Variants in ARID1B observed in about 807,000 individuals in gnomAD.
The protein encoded by ARID1B is AT-rich interactive domain-containing protein 1B.
Under a neutral mutation model 212.3 loss-of-function variants are expected in ARID1B, and 30 were observed. The ratio of observed to expected loss-of-function variants is 0.14; its 90% CI spans 0.11 to 0.19. The LOEUF (loss-of-function observed/expected upper bound fraction) is 0.19. Ranked by LOEUF, ARID1B falls within the 10% of genes least tolerant of loss-of-function variation. The probability of loss-of-function intolerance (pLI) is 1.00; values close to 1 mark genes in which losing one functional copy is unlikely to be tolerated. For synonymous variants in ARID1B, 1,402 were observed against 1,301.7 expected, an observed-to-expected ratio of 1.08 and a Z score of -1.66; for missense variants, 2,891 against 3,204.0, an observed-to-expected ratio of 0.90 and a Z score of 2.36.
chr6:156,806,544 T>C (rs1781170320), intron 1 of ARID1B, among the ~76,000 whole-genome samples: 1 of 152,238 alleles, frequency 6.6e-6, no homozygotes, highest in South Asian at 2.1e-4. Context: ...ATTTAATAAT[T>C]TCCAAAGTGC....
intron 6 of ARID1B, among the ~76,000 whole-genome samples, chr6:157,117,215 C>G (rs1241827541): frequency 6.6e-6 from 1 of 152,148 alleles, no homozygotes; most frequent in Non-Finnish European, 1.5e-5. Flanking sequence ...ATCAAAATTT[C>G]TATACTTCAA....
At chr6:156,966,349 A>G (rs1226083446) in intron 4 of ARID1B, among the ~76,000 whole-genome samples, 1 of 151,192 alleles carries the variant, frequency 6.6e-6, no homozygotes, top group African/African-American at 2.4e-5. Context: ...AGGGAAAATC[A>G]CTACAATACA....
chr6:157,054,867 C>T (rs1191817629), intron 4 of ARID1B, among the ~76,000 whole-genome samples: 1 of 152,242 alleles, frequency 6.6e-6, no homozygotes, highest in Admixed American at 6.5e-5. Context: ...TCACCGCTGT[C>T]TCAGCCGTAC....
At chr6:157,134,629 C>T (rs1283767389) in intron 7 of ARID1B, among the ~76,000 whole-genome samples, 3 of 152,114 alleles carry the variant, frequency 2.0e-5, no homozygotes, top group Non-Finnish European at 2.9e-5. Context: ...TGTCAGTGCC[C>T]GGTAACTATG....
At chr6:157,039,189 T>G (rs1439143668) in intron 4 of ARID1B, among the ~76,000 whole-genome samples, 2 of 152,094 alleles carry the variant, frequency 1.3e-5, no homozygotes, top group East Asian at 3.8e-4. Context: ...AGCCTTAAAT[T>G]TAATAAGTTG....
At chr6:156,976,620 A>G (rs924426313) in intron 4 of ARID1B, among the ~76,000 whole-genome samples, 3 of 152,180 alleles carry the variant, frequency 2.0e-5, no homozygotes, top group African/African-American at 7.2e-5. Flanking sequence ...CGAGCCAGCA[A>G]CGGCAACCCT....
intron 4 of ARID1B, among the ~76,000 whole-genome samples, chr6:157,050,281 C>T (rs989320914): frequency 3.9e-5 from 6 of 152,188 alleles, no homozygotes; most frequent in Admixed American, 2.0e-4. Context: ...CATGGTGGCT[C>T]ACTCCTAGAA....
intron 4 of ARID1B, chr6:156,938,659 G>C (rs573317022): frequency 6.6e-5 from 10 of 152,232 alleles, no homozygotes; most frequent in African/African-American, 1.2e-4. Flanking sequence ...AGATAGGTTT[G>C]TAATGTTTCT....
chr6:157,032,839 A>G (rs939868900), intron 4 of ARID1B, among the ~76,000 whole-genome samples: 4 of 152,198 alleles, frequency 2.6e-5, no homozygotes, highest in Non-Finnish European at 5.9e-5. Flanking sequence ...TTTTTAAAAA[A>G]AACTGATGGT....
chr6:156,883,946 C>T lies in ARID1B; in HGVS notation c.1987-17430C>T, dbSNP rs1231577480. ...GAAGAGGCATTTCAGGAGCCAGAAT[C>T]GCGGGACCCTCATTTATTCTGATAA... On this transcript the variant is annotated intron_variant, in intron 2 of 19. Transcript: ENST00000636930. 2.0e-5 allele frequency among the ~76,000 whole-genome samples: 3 copies of T among 152,156 alleles called. No homozygotes were observed. In the East Asian group the frequency reaches 5.8e-4, roughly 29 times the overall value.
intron 19 of ARID1B, 147 bp downstream of exon 19, chr6:157,204,143 C>G: frequency 9.9e-7 from 1 of 1,007,482 alleles, no homozygotes. Flanking sequence ...CAGCCTTAAT[C>G]AATGTAGAGT....
rs1789949736 is a variant in ARID1B at position 157,148,352 on chromosome 6, TG to T, written c.2762-271del. Among the ~76,000 whole-genome samples, 1 of 152,140 alleles carries T rather than the reference TG, an allele frequency of 6.6e-6. No individual in the cohort carries two copies. ...TCATAGGGTTTGTTTTTTGTTTTTT[TG>T]TTTGTTTCTTTTTATGACCAGCCTG... On this transcript the variant is annotated intron_variant, in intron 7 of 19. Coordinates refer to ENST00000636930, the MANE Select transcript of ARID1B (RefSeq NM_001374828.1). The surrounding 1 kb of genome is among the most constrained non-coding windows in gnomAD (Gnocchi z 5.6).
At chr6:156,803,257 TTTTA>T (rs909383057) in intron 1 of ARID1B, among the ~76,000 whole-genome samples, 26 of 152,228 alleles carry the variant, frequency 1.7e-4, no homozygotes, top group African/African-American at 5.5e-4. Flanking sequence ...AGAGCCAACA[TTTTA>T]TTTATGAAAT....
intron 4 of ARID1B, among the ~76,000 whole-genome samples, chr6:156,962,955 TTTA>T (rs1794496378): frequency 6.6e-6 from 1 of 152,058 alleles, no homozygotes; most frequent in Admixed American, 6.5e-5. Flanking sequence ...CTATTTTTTT[TTTA>T]TGTTAGTAGA....
At chr6:156,848,928 A>G (rs1784405631) in intron 2 of ARID1B, among the ~76,000 whole-genome samples, 1 of 152,228 alleles carries the variant, frequency 6.6e-6, no homozygotes, top group Non-Finnish European at 1.5e-5. Context: ...TACAATAACC[A>G]AGGAGACAAC....
chr6:156,891,587 A>G (rs1323893105), intron 2 of ARID1B, among the ~76,000 whole-genome samples: 5 of 152,200 alleles, frequency 3.3e-5, no homozygotes, highest in Admixed American at 6.5e-5. Context: ...ACATTATACT[A>G]CATATGGTTT....
intron 5 of ARID1B, among the ~76,000 whole-genome samples, chr6:157,098,754 C>T (rs1256711197): frequency 6.6e-6 from 1 of 152,104 alleles, no homozygotes; most frequent in African/African-American, 2.4e-5. Context: ...TTTTATTCAC[C>T]TCCCCAGAGT....
At chr6:157,141,557 C>G (rs1444105651) in intron 7 of ARID1B, among the ~76,000 whole-genome samples, 9 of 152,164 alleles carry the variant, frequency 5.9e-5, no homozygotes, top group African/African-American at 1.7e-4. Context: ...ATGCATTTCT[C>G]TGGCTGAAAG....
chr6:157,153,611 A>G (rs752303029), intron 8 of ARID1B, among the ~76,000 whole-genome samples: 1 of 152,172 alleles, frequency 6.6e-6, no homozygotes, highest in African/African-American at 2.4e-5. Context: ...AGCATAGGTG[A>G]GCCAAAGTTT....
Sources: allele counts gnomAD v4.1 joint callset (sites outside exome capture counted in the v4.1 genomes callset), GRCh38; gene constraint gnomAD v4.1.1; non-coding constraint Gnocchi (gnomAD v3.1); transcripts MANE v1.5; gene names NCBI Gene and HGNC (gene_info 2026-07-23, HGNC 2026-07-21).